Variants in SRGAP2B observed in about 807,000 individuals in gnomAD.
SRGAP2B encodes the protein SLIT-ROBO Rho GTPase-activating protein 2B.
SRGAP2B carries 9 observed loss-of-function variants against 22.2 expected under a neutral mutation model. The ratio of observed to expected loss-of-function variants is 0.41; its 90% CI spans 0.24 to 0.71. SRGAP2B has a LOEUF of 0.71. Ranked by LOEUF, SRGAP2B falls within the 30% of genes least tolerant of loss-of-function variation. SRGAP2B has a pLI of 0.35. For missense variants in SRGAP2B, 114 were observed against 235.8 expected, an observed-to-expected ratio of 0.48 and a Z score of 3.38; for synonymous variants, 36 against 87.4, an observed-to-expected ratio of 0.41 and a Z score of 3.28.
At position 144,994,216 on chromosome 1, in the gene SRGAP2B, A is replaced by AT. The variant is rs1389510828; in HGVS notation, c.260+791dup. 8.7e-4 allele frequency among the ~76,000 whole-genome samples: 116 copies of AT among 133,240 alleles called. No homozygotes were observed. The East Asian group carries it at 0.02, about 23-fold the overall frequency. 87.4% of individuals were successfully genotyped at this position (133,240 alleles called of 152,430 possible). A position where few individuals can be genotyped will look rare whatever the true frequency, so the allele number is the denominator to read the frequency against. Reference sequence around the variant, plus strand: ...TCTGGAGTGGGGCCCAGATTTCTGTATTTTTTTTAAAGTTCTCCAGGGAAT... The same window carrying AT: ...TCTGGAGTGGGGCCCAGATTTCTGTATTTTTTTTTAAAGTTCTCCAGGGAAT... On this transcript the variant is annotated intron_variant, in intron 3 of 9. Transcript: ENST00000612199.
intron 4 of SRGAP2B, among the ~76,000 whole-genome samples, chr1:144,917,622 T>G (rs1279074859): frequency 4.1e-5 from 6 of 146,836 alleles, no homozygotes; most frequent in Non-Finnish European, 7.4e-5. Flanking sequence ...TTTCATGTAC[T>G]GATGAGTTGG....
chr1:144,933,582 C>A (rs61804385), intron 4 of SRGAP2B, among the ~76,000 whole-genome samples: 3,761 of 125,052 alleles, frequency 0.03, 33 homozygotes, highest in Non-Finnish European at 0.045. Context: ...AATTAAACTC[C>A]CAGTCATGAA....
At chr1:144,941,844 G>T (rs1666074807) in intron 4 of SRGAP2B, among the ~76,000 whole-genome samples, 1 of 149,592 alleles carries the variant, frequency 6.7e-6, no homozygotes, top group South Asian at 2.1e-4. Context: ...AGCAGAATCA[G>T]AATAGCACAA....
intron 3 of SRGAP2B, among the ~76,000 whole-genome samples, chr1:144,980,805 T>C (rs1163483766): frequency 1.3e-5 from 2 of 151,278 alleles, no homozygotes; most frequent in Admixed American, 1.3e-4. Context: ...GTGATACTTC[T>C]GTGCAGTGTA....
intron 3 of SRGAP2B, among the ~76,000 whole-genome samples, chr1:144,965,509 C>A (rs1431398120): frequency 2.1e-5 from 3 of 145,438 alleles, no homozygotes; most frequent in Non-Finnish European, 4.4e-5. Flanking sequence ...TCATCAAAGA[C>A]CAAAAGTAGA....
chr1:145,091,266 A>G (rs2102508199), intron 2 of SRGAP2B, among the ~76,000 whole-genome samples: 1 of 52,438 alleles, frequency 1.9e-5, no homozygotes, highest in Admixed American at 2.5e-4. Flanking sequence ...ATCTGGTTAA[A>G]ACTGCAGGGG....
chr1:144,940,288 A>G (rs7519917), intron 4 of SRGAP2B, among the ~76,000 whole-genome samples: 1 of 103,438 alleles, frequency 9.7e-6, no homozygotes, highest in East Asian at 2.5e-4. Flanking sequence ...CTGATTCTCA[A>G]CTAAGCTCTA....
chr1:145,001,030 G>T (rs1671106548), intron 2 of SRGAP2B, among the ~76,000 whole-genome samples: 1 of 143,960 alleles, frequency 6.9e-6, no homozygotes. Context: ...CCTTTCCAGA[G>T]AATGTTACAT....
At chr1:144,958,590 A>G (rs1667449024) in intron 3 of SRGAP2B, among the ~76,000 whole-genome samples, 1 of 131,668 alleles carries the variant, frequency 7.6e-6, no homozygotes, top group Admixed American at 7.8e-5. Context: ...CCCCGGAGGC[A>G]GAGGTTGCAG....
At chr1:144,964,488 A>G (rs1326749636) in intron 3 of SRGAP2B, among the ~76,000 whole-genome samples, 4 of 150,636 alleles carry the variant, frequency 2.7e-5, no homozygotes, top group Non-Finnish European at 5.9e-5. Context: ...CATATTATTA[A>G]CCATGTTGAT....
At chr1:145,047,166 ACT>A (rs1392721367) in intron 2 of SRGAP2B, among the ~76,000 whole-genome samples, 1 of 102,214 alleles carries the variant, frequency 9.8e-6, no homozygotes. Context: ...ACAGAGCAAG[ACT>A]CTGTCTCAAA....
intron 2 of SRGAP2B, among the ~76,000 whole-genome samples, chr1:145,081,094 T>A (rs1652888988): frequency 6.7e-6 from 1 of 149,472 alleles, no homozygotes; most frequent in Non-Finnish European, 1.5e-5. Context: ...AACTGAATTC[T>A]TTCATTTCAG....
At chr1:144,973,087 G>GA (rs1315484338) in intron 3 of SRGAP2B, among the ~76,000 whole-genome samples, 1 of 146,008 alleles carries the variant, frequency 6.8e-6, no homozygotes, top group East Asian at 2.0e-4. Context: ...CAGCCCGGGT[G>GA]AAAGAGTGAG....
intron 2 of SRGAP2B, among the ~76,000 whole-genome samples, chr1:145,009,050 G>C (rs1196010605): frequency 1.4e-5 from 2 of 146,706 alleles, no homozygotes; most frequent in African/African-American, 2.6e-5. Flanking sequence ...GGTGGCGGGC[G>C]CCTGTAGTCC....
At chr1:145,076,036 C>T (rs1482394189) in intron 2 of SRGAP2B, among the ~76,000 whole-genome samples, 1 of 150,286 alleles carries the variant, frequency 6.7e-6, no homozygotes, top group Admixed American at 6.6e-5. Flanking sequence ...GGGATGTAGG[C>T]AGAACATATA....
rs587690907 is a variant in SRGAP2B, at chr1:144,956,739, C to T, written c.261-1138G>A. On this transcript the variant is annotated intron_variant, in intron 3 of 9. Transcript: ENST00000612199. The stretch of plus-strand genomic sequence containing the variant: ...CTGGGATTATAGGAGTGAGCCACCG[C>T]GCCCGGCCCTAGATGCTCATTTCTA... Among the ~76,000 whole-genome samples the T allele has an allele frequency of 7.3e-5, 11 of 150,330 alleles. 1 individual carries two copies. The highest frequency in any genetic ancestry group is 3.9e-4 in the East Asian group (2 of 5,152).
intron 2 of SRGAP2B, among the ~76,000 whole-genome samples, chr1:145,064,647 G>T (rs1368328970): frequency 6.7e-6 from 1 of 149,306 alleles, no homozygotes; most frequent in African/African-American, 2.5e-5. Context: ...AGGAGCCTTT[G>T]CAGAGAAGAA....
chr1:145,041,487 C>CAAA (rs4058416), intron 2 of SRGAP2B, among the ~76,000 whole-genome samples: 12 of 57,472 alleles, frequency 2.1e-4, no homozygotes, highest in African/African-American at 6.4e-4. Context: ...GACCCCATCT[C>CAAA]AAAAAAAAAA....
chr1:144,930,546 G>C (rs587652842), intron 4 of SRGAP2B, among the ~76,000 whole-genome samples: 1 of 148,352 alleles, frequency 6.7e-6, no homozygotes, highest in Non-Finnish European at 1.5e-5. Context: ...AAATTGGCAC[G>C]TATAAAAGCT....
Sources: allele counts gnomAD v4.1 joint callset (sites outside exome capture counted in the v4.1 genomes callset), GRCh38; gene constraint gnomAD v4.1.1; transcripts MANE v1.5; gene names NCBI Gene and HGNC (gene_info 2026-07-23, HGNC 2026-07-21).